The following TAF1 variants were observed in gnomAD, a reference collection of about 807,000 sequenced individuals.
TAF1 encodes the protein TATA-box binding protein associated factor 1.
A neutral mutation model predicts 138.5 loss-of-function variants in TAF1; 2 were observed. The observed-to-expected ratio is 0.01, with a 90% CI of 0.01 to 0.05. The LOEUF is 0.05. TAF1 is among the 10% of genes least tolerant of loss of function. The pLI, the probability that TAF1 is intolerant of heterozygous loss-of-function variation, is 1.00. For missense variants in TAF1, 709 were observed against 1,478.0 expected (o/e 0.48, Z 8.53); for synonymous variants, 437 against 503.2 (o/e 0.87, Z 1.76).
rs921842060 is a variant in TAF1 at position 71,375,500 on chromosome X, T to G, written c.472+214T>G. ...TAACATGTGCTCAAGAAATAGTAGT[T>G]TAGTCAGTGGTTCTCAAATCTGGCT... On this transcript the variant is annotated intron_variant, in intron 4 of 37. Transcript: ENST00000423759. Among the ~76,000 whole-genome samples the G allele has an allele frequency of 5.4e-5, 6 of 111,516 alleles. No homozygotes were observed. In the East Asian group the frequency reaches 1.7e-3, roughly 31 times the overall value.
chrX:71,477,297 A>T (rs1351424660), intron 13 of TAF1, among the ~76,000 whole-genome samples: 1 of 106,362 alleles, frequency 9.4e-6, no homozygotes, highest in African/African-American at 3.4e-5. Flanking sequence ...TTTAATTTTA[A>T]TTTTTTTTTT....
chrX:71,386,171 A>AT (rs758577895), intron 14 of TAF1, among the ~76,000 whole-genome samples: 445 of 110,883 alleles, frequency 4.0e-3, no homozygotes, highest in Admixed American at 6.4e-3. Context: ...CAAAAAAAAA[A>AT]AAAAAAGATC....
rs770747055 is a variant in TAF1 at position 71,494,408 on chromosome X, G to T, written c.1366+33605G>T. ...ACTGCACTCCAGCCTGGGCAACAGA[G>T]TGAGACTCTGTCTCAAAATAAATAA... is the stretch of plus-strand genomic sequence containing the variant. On this transcript the variant is annotated intron_variant and NMD_transcript_variant, in intron 13 of 14. Transcript: ENST00000373775. 4.5e-5 allele frequency among the ~76,000 whole-genome samples: 5 copies of T among 111,135 alleles called. No individual in the cohort carries two copies. The South Asian group carries it at 1.9e-3, about 41-fold the overall frequency.
chrX:71,393,230 G>GTA, intron 20 of TAF1, 71 bp from the exon 21 acceptor site: 1 of 966,429 alleles, frequency 1.0e-6, no homozygotes, highest in East Asian at 3.9e-5. Context: ...TGATTTGTGT[G>GTA]TGTGTGTGTG....
intron 32 of TAF1, among the ~76,000 whole-genome samples, chrX:71,446,154 A>T (rs962009086): frequency 1.3e-4 from 14 of 110,704 alleles, no homozygotes; most frequent in African/African-American, 4.6e-4. Context: ...CAGGTGACCC[A>T]CCTGCCTCAG....
intron 28 of TAF1, among the ~76,000 whole-genome samples, chrX:71,412,140 T>C (rs2035828063): frequency 9.4e-6 from 1 of 106,785 alleles, no homozygotes; most frequent in African/African-American, 3.5e-5. Context: ...TTTTTTTTTT[T>C]TTGAGACAGG....
chrX:71,426,808 CAT>C (rs1172355780), intron 32 of TAF1, among the ~76,000 whole-genome samples: 2 of 111,121 alleles, frequency 1.8e-5, no homozygotes, highest in African/African-American at 3.3e-5. Flanking sequence ...AGAGTCAAAT[CAT>C]AGAGGATTTT....
chrX:71,373,087 C>G (rs1057472881), intron 3 of TAF1, among the ~76,000 whole-genome samples: 8 of 109,097 alleles, frequency 7.3e-5, no homozygotes, highest in African/African-American at 2.7e-4. Flanking sequence ...AGGGTGGTCT[C>G]GATCTCCTGA....
chrX:71,528,632 A>T (rs1316240724), exon 14 of TAF1: 1 of 329,490 alleles, frequency 3.0e-6, no homozygotes, highest in African/African-American at 2.7e-5. Context: ...AGCTTTGGGG[A>T]TAGAATTCCC....
At chrX:71,515,250 C>T (rs1403510343) in intron 13 of TAF1, among the ~76,000 whole-genome samples, 1 of 105,974 alleles carries the variant, frequency 9.4e-6, no homozygotes, top group Non-Finnish European at 2.0e-5. Flanking sequence ...GTTCTTGCAG[C>T]TCTACACCCT....
At chrX:71,409,084 A>G (rs2035633542) in intron 28 of TAF1, among the ~76,000 whole-genome samples, 1 of 110,968 alleles carries the variant, frequency 9.0e-6, no homozygotes, top group Non-Finnish European at 1.9e-5. Context: ...GCTTGTGACC[A>G]TATTTGCTGT....
chrX:71,382,089 T>G (rs1258585151), intron 9 of TAF1, among the ~76,000 whole-genome samples, 170 bp downstream of exon 9: 2 of 111,976 alleles, frequency 1.8e-5, no homozygotes, highest in Non-Finnish European at 3.8e-5. Flanking sequence ...GTGTATATGC[T>G]TAGGGAACAC....
chrX:71,479,244 G>T (rs1418760956), intron 13 of TAF1, among the ~76,000 whole-genome samples: 1 of 111,859 alleles, frequency 8.9e-6, no homozygotes, highest in Non-Finnish European at 1.9e-5. Context: ...TGTATATAAG[G>T]TTCAAAAACA....
chrX:71,426,419 T>C (rs746679702), intron 32 of TAF1, among the ~76,000 whole-genome samples: 5 of 111,687 alleles, frequency 4.5e-5, no homozygotes, highest in Non-Finnish European at 7.5e-5. Flanking sequence ...AATTGCATGA[T>C]AGGTTTAGGA....
At chrX:71,453,601 C>T (rs1340776132) in intron 32 of TAF1, among the ~76,000 whole-genome samples, 1 of 110,408 alleles carries the variant, frequency 9.1e-6, no homozygotes, top group African/African-American at 3.3e-5. Context: ...ATATCATTAT[C>T]ACCCCAAGTC....
chrX:71,398,817 C>G, intron 24 of TAF1, 80 bp downstream of exon 24: 1 of 1,085,238 alleles, frequency 9.2e-7, no homozygotes, highest in South Asian at 2.5e-5. Flanking sequence ...TGATATCCTC[C>G]TTTACTGGGA....
At chrX:71,403,041 T>C (rs977749450) in intron 25 of TAF1, among the ~76,000 whole-genome samples, 9 of 110,465 alleles carry the variant, frequency 8.1e-5, no homozygotes, top group Non-Finnish European at 1.5e-4. Context: ...TCTTTCTTTT[T>C]TTTTTGAGAT....
chrX:71,456,716 C>T (rs2038319491), intron 34 of TAF1, among the ~76,000 whole-genome samples: 1 of 74,815 alleles, frequency 1.3e-5, no homozygotes, highest in Non-Finnish European at 2.3e-5. Context: ...GCTCTTGTCA[C>T]CCAGGCTGGA....
intron 8 of TAF1, among the ~76,000 whole-genome samples, chrX:71,381,488 C>T (rs28382161): frequency 0.013 from 1,408 of 111,603 alleles, 10 homozygotes; most frequent in Non-Finnish European, 0.017. Flanking sequence ...TGGTCTTGAA[C>T]TCCTGACCTG....
Sources: allele counts gnomAD v4.1 joint callset (sites outside exome capture counted in the v4.1 genomes callset), GRCh38; gene constraint gnomAD v4.1.1; transcripts MANE v1.5; gene names NCBI Gene and HGNC (gene_info 2026-07-23, HGNC 2026-07-21).